The following CPSF4L variants were observed in gnomAD, a reference collection of about 807,000 sequenced individuals.
CPSF4L encodes the protein putative cleavage and polyadenylation specificity factor subunit 4-like protein.
Under a neutral mutation model 24.0 loss-of-function variants are expected in CPSF4L, and 18 were observed. That is an observed-to-expected ratio of 0.75 (90% CI 0.52 to 1.11). The LOEUF (loss-of-function observed/expected upper bound fraction) is 1.11. Among genes scored for constraint, CPSF4L ranks in the 50% least tolerant of loss-of-function variants. The pLI, the probability that CPSF4L is intolerant of heterozygous loss-of-function variation, is 0.00. For missense variants in CPSF4L, 211 were observed against 221.8 expected, an observed-to-expected ratio of 0.95 and a Z score of 0.31; for synonymous variants, 72 against 77.2, an observed-to-expected ratio of 0.93 and a Z score of 0.35.
At chr17:73,256,258 G>A (rs2062024407) in intron 3 of CPSF4L, among the ~76,000 whole-genome samples, 1 of 152,224 alleles carries the variant, frequency 6.6e-6, no homozygotes, top group African/African-American at 2.4e-5. Context: ...TGACCAAGGG[G>A]AACTTGGATA....
upstream of CPSF4L, chr17:73,262,150 C>T (rs958751844): frequency 3.2e-5 from 9 of 277,970 alleles, no homozygotes; most frequent in African/African-American, 1.5e-4. Flanking sequence ...GTGGCGTGCA[C>T]ACAGACATTA....
intron 5 of CPSF4L, among the ~76,000 whole-genome samples, chr17:73,251,804 C>T (rs1023952765): frequency 5.3e-5 from 8 of 152,282 alleles, no homozygotes; most frequent in African/African-American, 1.9e-4. Context: ...CTCATCAACA[C>T]TTGGGTCTAT....
downstream of CPSF4L, among the ~76,000 whole-genome samples, chr17:73,246,367 C>CAA (rs375109385): frequency 0.02 from 3,054 of 149,440 alleles, 110 homozygotes; most frequent in African/African-American, 0.07. Flanking sequence ...TCCATCTCTA[C>CAA]AAAAAAAAAA....
intron 3 of CPSF4L, among the ~76,000 whole-genome samples, chr17:73,255,167 A>G (rs1009284485): frequency 6.6e-6 from 1 of 152,068 alleles, no homozygotes; most frequent in African/African-American, 2.4e-5. Flanking sequence ...GATCTATTTT[A>G]TACACTGGGC....
chr17:73,259,436 C>T (rs2062036707), intron 2 of CPSF4L, among the ~76,000 whole-genome samples: 1 of 152,178 alleles, frequency 6.6e-6, no homozygotes, highest in Non-Finnish European at 1.5e-5. Context: ...CAGCCTCTGC[C>T]TCTCAAAGTG....
intron 5 of CPSF4L, among the ~76,000 whole-genome samples, 161 bp downstream of exon 5, chr17:73,252,469 G>A (rs2062009487): frequency 6.6e-6 from 1 of 152,198 alleles, no homozygotes; most frequent in South Asian, 2.1e-4. Context: ...AGAGTTCTGA[G>A]ATTGCCAGGG....
At chr17:73,262,742 G>A (rs972771262), upstream of CPSF4L, among the ~76,000 whole-genome samples, 2 of 152,148 alleles carry the variant, frequency 1.3e-5, no homozygotes, top group African/African-American at 4.8e-5. Context: ...CCTCTAACTA[G>A]AGCTGCTGTT....
At chr17:73,245,338 CTAAAA>C (rs1489977332), downstream of CPSF4L, 19 of 1,384,092 alleles carry the variant, frequency 1.4e-5, no homozygotes, top group South Asian at 5.3e-5. Context: ...TTATTGGAAT[CTAAAA>C]TAATGATACA....
intron 5 of CPSF4L, among the ~76,000 whole-genome samples, chr17:73,251,811 C>T (rs572588457): frequency 4.6e-5 from 7 of 152,360 alleles, no homozygotes; most frequent in African/African-American, 7.2e-5. Context: ...ACACTTGGGT[C>T]TATAGAGTGT....
rs912822094 is a variant in CPSF4L, at chr17:73,251,044, G to GTT, written c.497+1584_497+1585dup. 5.9e-5 allele frequency: 92 copies of GTT among 1,549,830 alleles called. No individual in the cohort carries two copies. The Admixed American group carries it at 1.8e-3, about 30-fold the overall frequency. Reference sequence around the variant, plus strand: ...AGCAGGCACTCTGTTGGGGATGGGGGTTTCCAAGCTTCCACAGCAGAAATA... The same window carrying GTT: ...AGCAGGCACTCTGTTGGGGATGGGGGTTTTTCCAAGCTTCCACAGCAGAAATA... On this transcript the variant is annotated intron_variant, in intron 5 of 5. Transcript: ENST00000344935.
chr17:73,248,607 G>T (rs940155797), intron 5 of CPSF4L, 71 bp from the exon 6 acceptor site: 2 of 1,440,938 alleles, frequency 1.4e-6, no homozygotes, highest in East Asian at 2.5e-5. Context: ...CATCCATCCC[G>T]CAGAAGAGGC....
chr17:73,250,228 A>G, intron 5 of CPSF4L: 1 of 1,549,032 alleles, frequency 6.5e-7, no homozygotes, highest in Non-Finnish European at 8.7e-7. Flanking sequence ...TCTTCTCCTG[A>G]CCATAGGTTA....
At position 73,248,574 on chromosome 17, in the gene CPSF4L, C is replaced by A. The variant is rs770820670; in HGVS notation, c.498-38G>T. The A allele has an allele frequency of 3.7e-5, 57 of 1,547,734 alleles. 2 individuals are homozygous for A. The South Asian group carries it at 6.5e-4, about 18-fold the overall frequency. ...TACAAATGCAGCGTGAGAATCCATA[C>A]ACGTAATCCATATTCACCTTCCCAT... On this transcript the variant is annotated intron_variant, in intron 5 of 5. Transcript: ENST00000344935.
At position 73,257,853 on chromosome 17, in the gene CPSF4L, T is replaced by TGGC. The variant is rs1412393637; in HGVS notation, c.155-23_155-21dup. ...GTTTCCCTGGAGATGCCAGAGCACC[T>TGGC]GGCTGGGAGGCCCCTCATCCACAGC... On this transcript the variant is annotated intron_variant, in intron 2 of 5. Coordinates refer to ENST00000344935, the MANE Select transcript of CPSF4L (RefSeq NM_001129885.1). 1 of 1,550,632 alleles carries TGGC rather than the reference T, an allele frequency of 6.4e-7. No homozygotes were observed. The highest frequency in any genetic ancestry group is 2.4e-5 in the East Asian group (1 of 40,888).
chr17:73,243,092 T>TTTTTGTTTTTTTTTTTG, the CPSF4L span: 13 of 1,000,972 alleles, frequency 1.3e-5, no homozygotes, highest in African/African-American at 1.2e-4. Context: ...TTTTTTTTTT[T>TTTTTGTTTTTTTTTTTG]TTTTTTTTTA....
At chr17:73,242,165 T>C in the CPSF4L span, 1 of 901,864 alleles carries the variant, frequency 1.1e-6, no homozygotes, top group Non-Finnish European at 1.7e-6. Flanking sequence ...GGCTTAGCCG[T>C]GGATCCTTCG....
chr17:73,260,112 G>T (rs1334079861), intron 2 of CPSF4L, among the ~76,000 whole-genome samples: 2 of 152,146 alleles, frequency 1.3e-5, no homozygotes, highest in Non-Finnish European at 2.9e-5. Flanking sequence ...CTTTTTGATA[G>T]CATTTCAAAG....
intron 4 of CPSF4L, among the ~76,000 whole-genome samples, chr17:73,253,556 G>A (rs7211297): frequency 0.45 from 68,166 of 152,010 alleles, 16,161 homozygotes; most frequent in East Asian, 0.62. Context: ...GGTAGGACAT[G>A]CTTAAGCAAC....
At chr17:73,245,133 C>G (rs751250113), downstream of CPSF4L, 4 of 1,610,664 alleles carry the variant, frequency 2.5e-6, no homozygotes, top group Non-Finnish European at 3.4e-6. Flanking sequence ...GAAGTGGCCT[C>G]TCGGATCCTT....
Sources: gnomAD v4.1 joint callset for allele counts (sites outside exome capture counted in the v4.1 genomes callset) on GRCh38, gnomAD v4.1.1 for gene constraint, MANE v1.5 for transcripts, NCBI Gene and HGNC (gene_info 2026-07-23, HGNC 2026-07-21) for gene names.